PAFAH1B1: variants seen among roughly 807,000 people sequenced by gnomAD.
PAFAH1B1 encodes the protein platelet-activating factor acetylhydrolase IB subunit beta.
In PAFAH1B1, 2 loss-of-function variants were observed where a neutral mutation model predicts 57.5. The observed-to-expected ratio is 0.03, with a 90% CI of 0.01 to 0.11. The LOEUF is 0.11. PAFAH1B1 is among the 10% of genes least tolerant of loss of function. The pLI is 1.00. For synonymous variants in PAFAH1B1, 152 were observed against 169.6 expected (o/e 0.90, Z 0.81); for missense variants, 257 against 512.0 (o/e 0.50, Z 4.81).
In PAFAH1B1 at chr17:2,683,944, C is replaced by G. The variant is rs923499889; in HGVS notation, c.*2142C>G. On this transcript the variant is annotated 3_prime_UTR_variant, in exon 11 of 11. Coordinates refer to ENST00000397195, the MANE Select transcript of PAFAH1B1 (RefSeq NM_000430.4). ...ATTGTTTAAGGGTAAGCCACAACAT[C>G]TAGAAATCACTCATAGATATTGAAC... The G allele has an allele frequency of 6.6e-6, 1 of 152,592 alleles. No homozygotes were observed. The highest frequency in any genetic ancestry group is 2.4e-5 in the African/African-American group (1 of 41,414). The allele number at this position is 152,592 out of a possible 1,614,324, so 9.5% of individuals were successfully genotyped here.
chr17:2,597,897 T>G (rs906130801), intron 1 of PAFAH1B1, among the ~76,000 whole-genome samples: 1 of 152,016 alleles, frequency 6.6e-6, no homozygotes, highest in Non-Finnish European at 1.5e-5. Context: ...ATGTTATTCA[T>G]AATTTGTCAT....
intron 1 of PAFAH1B1, among the ~76,000 whole-genome samples, chr17:2,623,823 G>C (rs2068454328): frequency 6.8e-6 from 1 of 147,552 alleles, no homozygotes; most frequent in Non-Finnish European, 1.5e-5. Flanking sequence ...GTTTTTAGTA[G>C]AGATGGGGTT....
chr17:2,651,413 C>CAAA (rs1157501996), intron 2 of PAFAH1B1, among the ~76,000 whole-genome samples: 11 of 53,314 alleles, frequency 2.1e-4, no homozygotes, highest in African/African-American at 3.6e-4. Context: ...CCCGTCTCTA[C>CAAA]AAAAAAAAAA....
chr17:2,681,423 T>C (rs1007156655), intron 10 of PAFAH1B1: 6 of 267,048 alleles, frequency 2.2e-5, no homozygotes, highest in Admixed American at 5.0e-5. Context: ...ATTTGGACTT[T>C]CTTAGAATTT....
intron 2 of PAFAH1B1, among the ~76,000 whole-genome samples, chr17:2,656,720 T>C (rs1249336658): frequency 6.6e-6 from 1 of 152,246 alleles, no homozygotes; most frequent in Non-Finnish European, 1.5e-5. Context: ...CATTGTTTTT[T>C]AGGGCTTGAC....
At position 2,642,811 on chromosome 17, in the gene PAFAH1B1, T is replaced by C. The variant is rs1422750674; in HGVS notation, c.32+4491T>C. On this transcript the variant is annotated intron_variant, in intron 2 of 10. Transcript: ENST00000397195. ...CCTCTTTGCATGATGGTATTACTCATTTGAAATATAGTTGGGTTCATCTTG... is the reference window on the plus strand; with the variant it reads ...CCTCTTTGCATGATGGTATTACTCACTTGAAATATAGTTGGGTTCATCTTG... 2.0e-5 allele frequency among the ~76,000 whole-genome samples: 3 copies of C among 152,154 alleles called. No homozygotes were observed. The East Asian group carries it at 5.8e-4, about 29-fold the overall frequency.
At chr17:2,607,908 G>A (rs868127476) in intron 1 of PAFAH1B1, among the ~76,000 whole-genome samples, 6 of 152,062 alleles carry the variant, frequency 3.9e-5, no homozygotes, top group African/African-American at 7.2e-5. Flanking sequence ...ATATTTGGGT[G>A]TATCTATAAA....
At chr17:2,681,539 C>T (rs1466625428) in intron 10 of PAFAH1B1, 190 bp from the exon 11 acceptor site, 10 of 575,326 alleles carry the variant, frequency 1.7e-5, no homozygotes, top group South Asian at 4.1e-5. Context: ...AGTCATGGCT[C>T]GCTGCAGCCT....
rs540782310 is a variant in PAFAH1B1 at position 2,603,741 on chromosome 17, CT to C, written c.-191+9749del. ...GGTAATTTGAAATTTTCTCCAGATTCTTTTTTTTTTTTTTCTGGACACGGAG... is the reference window on the plus strand; with the variant it reads ...GGTAATTTGAAATTTTCTCCAGATTCTTTTTTTTTTTTTCTGGACACGGAG... On this transcript the variant is annotated intron_variant, in intron 1 of 10. Transcript: ENST00000397195. Among the ~76,000 whole-genome samples, 1,258 of 144,250 alleles carry C rather than the reference CT, an allele frequency of 8.7e-3. 14 individuals are homozygous for C. Among genetic ancestry groups the C allele is most frequent in the African/African-American group, 0.022 (868 of 39,366 alleles). The allele number at this position is 144,250 out of a possible 152,430, so 94.6% of individuals were successfully genotyped here.
At chr17:2,630,138 C>A (rs1356466578) in intron 1 of PAFAH1B1, among the ~76,000 whole-genome samples, 2 of 152,116 alleles carry the variant, frequency 1.3e-5, no homozygotes, top group Non-Finnish European at 2.9e-5. Context: ...TCTTTGTTGC[C>A]TGTGTACTTT....
intron 1 of PAFAH1B1, 60 bp from the exon 2 acceptor site, chr17:2,638,039 A>G (rs902771626): frequency 2.1e-6 from 1 of 487,352 alleles, no homozygotes; most frequent in African/African-American, 1.9e-5. Flanking sequence ...TACTGTAACT[A>G]ATAATTTAGA....
chr17:2,663,142 G>T (rs994649046), intron 2 of PAFAH1B1, among the ~76,000 whole-genome samples: 7 of 151,960 alleles, frequency 4.6e-5, no homozygotes, highest in Non-Finnish European at 8.8e-5. Context: ...GCCAAGCGTG[G>T]TGGCGGGCAC....
At chr17:2,657,395 C>T (rs1296924923) in intron 2 of PAFAH1B1, among the ~76,000 whole-genome samples, 1 of 152,188 alleles carries the variant, frequency 6.6e-6, no homozygotes, top group African/African-American at 2.4e-5. Context: ...CAGGTGTCCA[C>T]CGCCGTGCCC....
At chr17:2,597,030 C>T (rs913144870) in intron 1 of PAFAH1B1, among the ~76,000 whole-genome samples, 2 of 152,144 alleles carry the variant, frequency 1.3e-5, no homozygotes, top group African/African-American at 2.4e-5. Flanking sequence ...CACTGTACTC[C>T]AGCCTGGGCG....
chr17:2,609,827 A>AAT (rs968876542), intron 1 of PAFAH1B1, among the ~76,000 whole-genome samples: 6 of 150,784 alleles, frequency 4.0e-5, no homozygotes, highest in Admixed American at 1.3e-4. Context: ...AGAATATTTT[A>AAT]ATATATATAT....
chr17:2,659,537 AAAAAG>A, intron 2 of PAFAH1B1: 3 of 203,976 alleles, frequency 1.5e-5, no homozygotes, highest in South Asian at 5.1e-5. Flanking sequence ...AAAAAAAAAA[AAAAAG>A]GAAGCCTTGG....
At chr17:2,660,793 T>A (rs2069004028) in intron 2 of PAFAH1B1, among the ~76,000 whole-genome samples, 1 of 152,212 alleles carries the variant, frequency 6.6e-6, no homozygotes. Flanking sequence ...GGTCAAATGG[T>A]ATTTCTGCTT....
chr17:2,652,301 G>C, intron 2 of PAFAH1B1, among the ~76,000 whole-genome samples: 1 of 152,142 alleles, frequency 6.6e-6, no homozygotes, highest in Non-Finnish European at 1.5e-5. Context: ...TGTAGTCCCA[G>C]CTACTCGGGA....
intron 9 of PAFAH1B1, chr17:2,679,609 G>C (rs1469401345): frequency 1.3e-5 from 1 of 75,138 alleles, no homozygotes; most frequent in African/African-American, 4.8e-5. Context: ...TGGGTGGGTG[G>C]ATGGATGGAT....
Sources: gnomAD v4.1 joint callset for allele counts (sites outside exome capture counted in the v4.1 genomes callset) on GRCh38, gnomAD v4.1.1 for gene constraint, MANE v1.5 for transcripts, NCBI Gene and HGNC (gene_info 2026-07-23, HGNC 2026-07-21) for gene names.